The following DMD variants were observed in gnomAD, a reference collection of about 807,000 sequenced individuals.
DMD encodes the protein dystrophin.
Under a neutral mutation model 330.1 loss-of-function variants are expected in DMD, and 63 were observed. That is an observed-to-expected ratio of 0.19 (90% CI 0.16 to 0.24). DMD has a LOEUF of 0.24. Ranked by LOEUF, DMD falls within the 10% of genes least tolerant of loss-of-function variation. The pLI is 1.00. For synonymous variants in DMD, 1,223 were observed against 959.8 expected, an observed-to-expected ratio of 1.27 and a Z score of -5.07; for missense variants, 3,344 against 2,684.1, an observed-to-expected ratio of 1.25 and a Z score of -5.43.
chrX:31,237,025 C>G (rs4618865), intron 63 of DMD, among the ~76,000 whole-genome samples: 1 of 111,962 alleles, frequency 8.9e-6, no homozygotes, highest in African/African-American at 3.3e-5. Context: ...TCCATGCCCT[C>G]TAATAATCAT....
chrX:31,344,257 A>G (rs5927730), intron 61 of DMD, among the ~76,000 whole-genome samples: 36,050 of 110,679 alleles, frequency 0.33, 4,350 homozygotes, highest in East Asian at 0.66. Flanking sequence ...CTTTAACATG[A>G]CAATTCCACC....
rs775410930 is a variant in DMD, at chrX:31,330,410, TAGA to T, written c.9164-6755_9164-6753del. 5.5e-4 allele frequency among the ~76,000 whole-genome samples: 61 copies of T among 111,631 alleles called. 1 individual carries two copies. In the East Asian group the frequency reaches 0.016, roughly 29 times the overall value. On this transcript the variant is annotated intron_variant, in intron 61 of 78. Transcript: ENST00000357033. ...TCTTGAGCCTGACAGACTAAGGGTG[TAGA>T]AGAAGAAGATGTATTTGATCCCACG... is the stretch of plus-strand genomic sequence containing the variant.
At chrX:31,297,482 C>T (rs1264919272) in intron 62 of DMD, among the ~76,000 whole-genome samples, 1 of 111,554 alleles carries the variant, frequency 9.0e-6, no homozygotes, top group Non-Finnish European at 1.9e-5. Context: ...GGATCATTGC[C>T]ACTGGACTTT....
At chrX:32,680,933 C>T (rs1333062987) in intron 9 of DMD, among the ~76,000 whole-genome samples, 2 of 112,087 alleles carry the variant, frequency 1.8e-5, no homozygotes, top group Non-Finnish European at 3.8e-5. Context: ...GGTACCTTCT[C>T]TAGCCTTATT....
intron 44 of DMD, among the ~76,000 whole-genome samples, chrX:32,055,708 G>A (rs1180169657): frequency 9.0e-6 from 1 of 111,690 alleles, no homozygotes; most frequent in African/African-American, 3.2e-5. Context: ...GTGATGTGAG[G>A]TATAAGGAGA....
intron 2 of DMD, among the ~76,000 whole-genome samples, chrX:32,888,162 G>A (rs764041810): frequency 9.1e-6 from 1 of 110,094 alleles, no homozygotes; most frequent in Non-Finnish European, 1.9e-5. Flanking sequence ...TTTTTTTTAA[G>A]TTCTGGGATA....
intron 60 of DMD, among the ~76,000 whole-genome samples, chrX:31,379,864 C>A (rs1041148481): frequency 9.0e-6 from 1 of 111,728 alleles, no homozygotes; most frequent in African/African-American, 3.3e-5. Flanking sequence ...GAGGACCCCA[C>A]TGAAAATCGG....
chrX:31,487,120 G>C (rs1333758023), intron 57 of DMD, among the ~76,000 whole-genome samples: 1 of 112,193 alleles, frequency 8.9e-6, no homozygotes, highest in East Asian at 2.8e-4. Flanking sequence ...AACAGAAAGA[G>C]AGGTTTCCCT....
At chrX:32,129,936 G>T (rs923182475) in intron 44 of DMD, among the ~76,000 whole-genome samples, 2 of 109,596 alleles carry the variant, frequency 1.8e-5, no homozygotes, top group Non-Finnish European at 3.8e-5. Context: ...TTGACCAAAG[G>T]AGAATCTTTT....
chrX:32,804,061 A>C (rs765319874), intron 7 of DMD, among the ~76,000 whole-genome samples: 1 of 111,084 alleles, frequency 9.0e-6, no homozygotes, highest in Admixed American at 9.6e-5. Flanking sequence ...GGGTGTGTTC[A>C]AGTCTCCCAC....
intron 43 of DMD, among the ~76,000 whole-genome samples, chrX:32,279,306 C>G (rs2097403616): frequency 9.0e-6 from 1 of 111,517 alleles, no homozygotes; most frequent in Non-Finnish European, 1.9e-5. Context: ...AATCCCACTG[C>G]TGGGTATATA....
Position 31,687,823 on chromosome X carries a change from C to T in DMD, c.7661-8237G>A, listed in dbSNP as rs1326773086. ...GCTGCTTTTAGGATTCTTTCTTTATCCTTGACCTGTGGGAGTTTGATTATT... is the reference window on the plus strand; with the variant it reads ...GCTGCTTTTAGGATTCTTTCTTTATTCTTGACCTGTGGGAGTTTGATTATT... On this transcript the variant is annotated intron_variant, in intron 52 of 78. Coordinates refer to ENST00000357033, the MANE Select transcript of DMD (RefSeq NM_004006.3). Among the ~76,000 whole-genome samples the T allele has an allele frequency of 2.7e-5, 3 of 111,667 alleles. No individual in the cohort carries two copies. In the East Asian group the frequency reaches 8.4e-4, roughly 31 times the overall value.
intron 1 of DMD, among the ~76,000 whole-genome samples, chrX:33,122,033 C>T (rs1179002347): frequency 8.9e-6 from 1 of 111,766 alleles, no homozygotes; most frequent in East Asian, 2.8e-4. Flanking sequence ...CGAGACCAGC[C>T]TGGCCAACAG....
chrX:32,408,865 CATCT>C (rs10559613), intron 30 of DMD, among the ~76,000 whole-genome samples: 16,243 of 96,810 alleles, frequency 0.17, 1,155 homozygotes, highest in East Asian at 0.19. Context: ...TTCTTTCTTT[CATCT>C]ATCTATCTAT....
chrX:32,698,668 G>A (rs1269198524), intron 8 of DMD, among the ~76,000 whole-genome samples: 1 of 111,709 alleles, frequency 9.0e-6, no homozygotes, highest in Admixed American at 9.5e-5. Context: ...TTTCAAAATT[G>A]TTATCCTGAA....
rs758907083 is a variant in DMD at position 32,978,135 on chromosome X, T to C, written c.93+42004A>G. Among the ~76,000 whole-genome samples the C allele has an allele frequency of 7.2e-5, 8 of 111,757 alleles. No homozygotes were observed. The South Asian group carries it at 2.6e-3, about 37-fold the overall frequency. On this transcript the variant is annotated intron_variant, in intron 2 of 78. Coordinates refer to ENST00000357033, the MANE Select transcript of DMD (RefSeq NM_004006.3). Reference sequence around the variant, plus strand: ...AGTGGGTCAAATCCCATGGTTTTCATGAACTGGGCGGACTGCTACAGGGCA... The same window carrying C: ...AGTGGGTCAAATCCCATGGTTTTCACGAACTGGGCGGACTGCTACAGGGCA...
At chrX:32,949,419 T>C (rs921622149) in intron 2 of DMD, among the ~76,000 whole-genome samples, 60 of 108,329 alleles carry the variant, frequency 5.5e-4, no homozygotes, top group Middle Eastern at 4.7e-3. Context: ...GACAGACAGA[T>C]AGGCATTTGT....
chrX:32,392,480 G>A (rs900763417), intron 30 of DMD, among the ~76,000 whole-genome samples: 12 of 110,622 alleles, frequency 1.1e-4, no homozygotes, highest in African/African-American at 2.6e-4. Flanking sequence ...GGATGGTCTC[G>A]AATGCCTGAC....
At chrX:32,728,184 T>C (rs1268532258) in intron 7 of DMD, among the ~76,000 whole-genome samples, 1 of 111,173 alleles carries the variant, frequency 9.0e-6, no homozygotes, top group Admixed American at 9.6e-5. Flanking sequence ...TCTAGAAATA[T>C]AAAATTCAAA....
Sources: allele counts gnomAD v4.1 joint callset (sites outside exome capture counted in the v4.1 genomes callset), GRCh38; gene constraint gnomAD v4.1.1; transcripts MANE v1.5; gene names NCBI Gene and HGNC (gene_info 2026-07-23, HGNC 2026-07-21).